Variants in RFX3 observed in about 807,000 individuals in gnomAD.
RFX3 encodes the protein regulatory factor X3.
Under a neutral mutation model 98.6 loss-of-function variants are expected in RFX3, and 14 were observed. The observed-to-expected ratio is 0.14, with a 90% CI of 0.09 to 0.22. The LOEUF (loss-of-function observed/expected upper bound fraction) is 0.22, where lower values mean the gene tolerates loss of function less well. RFX3 is among the 10% of genes least tolerant of loss of function. The probability of loss-of-function intolerance (pLI) is 1.00; values close to 1 mark genes in which losing one functional copy is unlikely to be tolerated. For synonymous variants in RFX3, 383 were observed against 328.4 expected (o/e 1.17, Z -1.80); for missense variants, 639 against 926.9 (o/e 0.69, Z 4.03).
At chr9:3,321,472 T>A (rs1476222703) in intron 4 of RFX3, among the ~76,000 whole-genome samples, 2 of 152,220 alleles carry the variant, frequency 1.3e-5, no homozygotes, top group Non-Finnish European at 2.9e-5. Flanking sequence ...TTGTATGGGA[T>A]GAAAGGTGGT....
chr9:3,337,848 T>A (rs1328380959), intron 3 of RFX3, among the ~76,000 whole-genome samples: 1 of 152,210 alleles, frequency 6.6e-6, no homozygotes, highest in Non-Finnish European at 1.5e-5. Context: ...AACCTCTGCC[T>A]TAAACAGTTT....
intron 4 of RFX3, among the ~76,000 whole-genome samples, chr9:3,308,994 T>C (rs117039994): frequency 0.017 from 2,652 of 152,250 alleles, 38 homozygotes; most frequent in African/African-American, 0.024. Flanking sequence ...CTAGAGACTA[T>C]ACCAATTAAT....
chr9:3,437,742 C>T (rs1845272645), intron 1 of RFX3, among the ~76,000 whole-genome samples: 1 of 152,024 alleles, frequency 6.6e-6, no homozygotes, highest in South Asian at 2.1e-4. Flanking sequence ...AGTATTCAAG[C>T]CCAACCCTAT....
Position 3,436,980 on chromosome 9 carries a change from G to A in RFX3, c.-8-41384C>T, listed in dbSNP as rs556986981. Among the ~76,000 whole-genome samples, 5 of 152,010 alleles carry A rather than the reference G, an allele frequency of 3.3e-5. No individual in the cohort carries two copies. In the South Asian group the frequency reaches 6.2e-4, roughly 19 times the overall value. ...AAAAATTGCTCATTGAGTAATCCAC[G>A]TTTTTGTTAGGAAGTTGAAATGGAA... On this transcript the variant is annotated intron_variant, in intron 1 of 16. Transcript: ENST00000617270.
chr9:3,277,586 T>C lies in RFX3; in HGVS notation c.852-125A>G, dbSNP rs1174277768. On this transcript the variant is annotated intron_variant, in intron 7 of 16. Coordinates refer to ENST00000617270, the MANE Select transcript of RFX3 (RefSeq NM_001282116.2). ...TTAACGTCTCATGATAGTTGTAGGA[T>C]TTTTTTCCTTGATAGTCTCATAAAG... 2.1e-5 allele frequency: 16 copies of C among 759,142 alleles called. No individual in the cohort carries two copies. In the East Asian group the frequency reaches 4.0e-4, roughly 19 times the overall value. 47.0% of individuals were successfully genotyped at this position (759,142 alleles called of 1,614,324 possible). A position where few individuals can be genotyped will look rare whatever the true frequency, so the allele number is the denominator to read the frequency against.
At chr9:3,256,161 G>A (rs1457941312) in intron 14 of RFX3, among the ~76,000 whole-genome samples, 1 of 151,914 alleles carries the variant, frequency 6.6e-6, no homozygotes, top group Non-Finnish European at 1.5e-5. Context: ...TAGTAGAGAC[G>A]GGGTTTTACC....
intron 6 of RFX3, among the ~76,000 whole-genome samples, chr9:3,292,100 A>AAAAAAAAAAAAC (rs1827457239): frequency 1.7e-5 from 2 of 120,216 alleles, no homozygotes; most frequent in African/African-American, 6.2e-5. Context: ...AAAAAAAAAA[A>AAAAAAAAAAAAC]CTCTTTACGA....
rs1817391490 is a variant in RFX3 at position 3,222,532 on chromosome 9, C to G, written c.*2510G>C. 6.6e-6 allele frequency: 1 copy of G among 151,996 alleles called. No homozygotes were observed. The highest frequency in any genetic ancestry group is 6.5e-5 in the Admixed American group (1 of 15,272). 9.4% of individuals were successfully genotyped at this position (151,996 alleles called of 1,614,324 possible). A position where few individuals can be genotyped will look rare whatever the true frequency, so the allele number is the denominator to read the frequency against. The stretch of plus-strand genomic sequence containing the variant: ...AATACATTTAAAGTCATTCAATAAA[C>G]AAAATGAAACCAGTAAATACATTTG... On this transcript the variant is annotated 3_prime_UTR_variant, in exon 17 of 17. Transcript: ENST00000617270.
intron 2 of RFX3, among the ~76,000 whole-genome samples, chr9:3,376,572 C>T (rs969219971): frequency 6.6e-6 from 1 of 152,130 alleles, no homozygotes; most frequent in Admixed American, 6.5e-5. Flanking sequence ...ATATGTTGTA[C>T]AAAAGCCAAA....
intron 2 of RFX3, among the ~76,000 whole-genome samples, chr9:3,373,438 TCTTTG>T (rs2131586943): frequency 1.3e-5 from 2 of 152,298 alleles, no homozygotes; most frequent in African/African-American, 4.8e-5. Context: ...TTTAAAGATT[TCTTTG>T]ACACCTATGT....
intron 1 of RFX3, among the ~76,000 whole-genome samples, chr9:3,504,879 TTATA>T (rs1199453937): frequency 5.6e-5 from 3 of 53,184 alleles, no homozygotes; most frequent in African/African-American, 9.1e-5. Context: ...ATTATATATA[TTATA>T]TATAATATAA....
chr9:3,399,265 T>C (rs1400630210), intron 1 of RFX3, among the ~76,000 whole-genome samples: 1 of 145,512 alleles, frequency 6.9e-6, no homozygotes, highest in Non-Finnish European at 1.5e-5. Context: ...TGAAACCCTG[T>C]CTCTGCTTAA....
At chr9:3,248,367 G>C (rs780238325) in intron 14 of RFX3, among the ~76,000 whole-genome samples, 182 bp from the exon 15 acceptor site, 8 of 152,146 alleles carry the variant, frequency 5.3e-5, no homozygotes, top group Non-Finnish European at 1.2e-4. Flanking sequence ...GAATGATAAA[G>C]AGGTAATCCT....
chr9:3,501,978 G>A (rs1293279942), intron 1 of RFX3, among the ~76,000 whole-genome samples: 5 of 151,838 alleles, frequency 3.3e-5, no homozygotes, highest in Admixed American at 6.6e-5. Flanking sequence ...TCGGCCAGGC[G>A]CGGTGGCTCA....
chr9:3,256,709 A>G (rs890550103), intron 14 of RFX3, among the ~76,000 whole-genome samples: 2 of 152,124 alleles, frequency 1.3e-5, no homozygotes, highest in Non-Finnish European at 2.9e-5. Context: ...TGCTGAACAC[A>G]TTATCTAGAC....
intron 1 of RFX3, among the ~76,000 whole-genome samples, chr9:3,502,906 G>A (rs973063581): frequency 6.6e-6 from 1 of 152,128 alleles, no homozygotes; most frequent in Non-Finnish European, 1.5e-5. Flanking sequence ...CTTTAAAGGA[G>A]AGTGATGGAT....
At chr9:3,332,419 T>TG (rs1832700002) in intron 3 of RFX3, among the ~76,000 whole-genome samples, 2 of 152,302 alleles carry the variant, frequency 1.3e-5, no homozygotes, top group African/African-American at 4.8e-5. Context: ...AAAGCAAAGA[T>TG]GTCACTATCT....
chr9:3,475,770 C>T (rs1207332008), intron 1 of RFX3, among the ~76,000 whole-genome samples: 1 of 152,284 alleles, frequency 6.6e-6, no homozygotes, highest in South Asian at 2.1e-4. Flanking sequence ...GTCAGGCCTC[C>T]AGATAACTGT....
At chr9:3,327,336 G>A (rs762618402) in intron 4 of RFX3, among the ~76,000 whole-genome samples, 2 of 152,080 alleles carry the variant, frequency 1.3e-5, no homozygotes, top group Non-Finnish European at 2.9e-5. Context: ...TTTTACTACA[G>A]TAACAGATGT....
Sources: allele counts gnomAD v4.1 joint callset (sites outside exome capture counted in the v4.1 genomes callset), GRCh38; gene constraint gnomAD v4.1.1; transcripts MANE v1.5; gene names NCBI Gene and HGNC (gene_info 2026-07-23, HGNC 2026-07-21).